The following MLLT6 variants were observed in gnomAD, a reference collection of about 807,000 sequenced individuals.
MLLT6 encodes the protein protein AF-17.
In MLLT6, 22 loss-of-function variants were observed where a neutral mutation model predicts 103.0. That is an observed-to-expected ratio of 0.21 (90% CI 0.15 to 0.31). The LOEUF (loss-of-function observed/expected upper bound fraction) is 0.31. Ranked by LOEUF, MLLT6 falls within the 10% of genes least tolerant of loss-of-function variation. MLLT6 has a pLI of 1.00. For missense variants in MLLT6, 1,199 were observed against 1,441.7 expected (o/e 0.83, Z 2.73); for synonymous variants, 606 against 623.5 (o/e 0.97, Z 0.42).
chr17:38,715,029 A>C (rs562614226), intron 8 of MLLT6, among the ~76,000 whole-genome samples: 30 of 152,326 alleles, frequency 2.0e-4, no homozygotes, highest in African/African-American at 7.0e-4. Flanking sequence ...GCTGGATTTT[A>C]AAGGATGAGA....
rs1248447719 is a variant in MLLT6 at position 38,720,391 on chromosome 17, G to A, written c.2175G>A (p.Ala725=). 1.9e-6 allele frequency: 3 copies of A among 1,610,722 alleles called. No individual in the cohort carries two copies. The highest frequency in any genetic ancestry group is 2.5e-6 in the Non-Finnish European group (3 of 1,179,752). ...CCGCAGTCGTGGAGATGCTGAAGGC[G>A]CTGCACGCGCTGCAGAAGGAGAACC... ...AGVNIVEMLK[A]LHALQKENQR... Residue 725 remains alanine, a synonymous_variant, in exon 15 of 20, where the codon GCG becomes GCA. Coordinates refer to ENST00000621332, the MANE Select transcript of MLLT6 (RefSeq NM_005937.4).
Position 38,728,312 on chromosome 17 carries a change from C to T in MLLT6, c.*2714C>T, listed in dbSNP as rs1021952722. The T allele has an allele frequency of 3.0e-5, 7 of 233,244 alleles. No homozygotes were observed. Among genetic ancestry groups the T allele is most frequent in the Non-Finnish European group, 5.1e-5 (6 of 118,076 alleles). 14.4% of individuals were successfully genotyped at this position (233,244 alleles called of 1,614,324 possible). ...ATGGCTGTAACGATCTCACCGTCTC[C>T]TAACCTCAGTCCCTTTTTTGAGAGT... On this transcript the variant is annotated 3_prime_UTR_variant, in exon 20 of 20. Coordinates refer to ENST00000621332, the MANE Select transcript of MLLT6 (RefSeq NM_005937.4).
Position 38,711,888 on chromosome 17 carries a change from T to C in MLLT6, c.594T>C (p.Ala198=). Residue 198 remains alanine, a synonymous_variant, in exon 7 of 20, where the codon GCT becomes GCC. Coordinates refer to ENST00000621332, the MANE Select transcript of MLLT6 (RefSeq NM_005937.4). ...RHSSGGGGGG[A]GGGGGSMGGG... is the part of the protein sequence containing the mutation. ...GCAGCGGGGGAGGCGGAGGAGGCGC[T>C]GGAGGAGGAGGTGGCAGCATGGGGG... is the stretch of plus-strand genomic sequence containing the variant. The C allele has an allele frequency of 6.2e-7, 1 of 1,600,338 alleles. No individual in the cohort carries two copies. Among genetic ancestry groups the C allele is most frequent in the East Asian group, 2.3e-5 (1 of 44,320 alleles).
Position 38,716,919 on chromosome 17 carries a change from G to A in MLLT6, c.1589G>A (p.Arg530Gln), listed in dbSNP as rs767988678. Residue 530 changes from arginine (R) to glutamine (Q), a missense_variant, in exon 10 of 20, where the codon CGA becomes CAA. Coordinates refer to ENST00000621332, the MANE Select transcript of MLLT6 (RefSeq NM_005937.4). The surrounding 1 kb of genome is among the most constrained non-coding windows in gnomAD (Gnocchi z 5.6). ...VSSGLGGLSS[R>Q]TFGPSGSLPS... ...TCCGGCCTGGGAGGTCTGTCCTCCC[G>A]AACCTTTGGGCCTTCTGGGAGCTTG... is the stretch of plus-strand genomic sequence containing the variant. The A allele has an allele frequency of 2.7e-5, 44 of 1,613,740 alleles. No individual in the cohort carries two copies. Among genetic ancestry groups the A allele is most frequent in the African/African-American group, 5.3e-5 (4 of 75,042 alleles).
intron 2 of MLLT6, 54 bp downstream of exon 2, chr17:38,707,083 GT>G: frequency 1.3e-6 from 2 of 1,492,684 alleles, no homozygotes; most frequent in Non-Finnish European, 1.8e-6. Context: ...ACACCTGAGC[GT>G]CTCAGGTTGA....
intron 7 of MLLT6, among the ~76,000 whole-genome samples, chr17:38,712,424 T>C (rs149325696): frequency 7.4e-4 from 112 of 152,320 alleles, no homozygotes; most frequent in African/African-American, 2.5e-3. Flanking sequence ...GCAGGTGTTA[T>C]GTTCACGCGC....
intron 12 of MLLT6, chr17:38,718,479 A>C (rs1846458026): frequency 6.6e-6 from 1 of 152,414 alleles, no homozygotes; most frequent in African/African-American, 2.4e-5. Flanking sequence ...AAAAAAAAAA[A>C]AATCCACACA....
Position 38,707,787 on chromosome 17 carries a change from TCTACATCCCC to T in MLLT6, c.270_279del (p.Tyr91ArgfsTer45). 6.2e-7 allele frequency: 1 copy of T among 1,613,358 alleles called. No individual in the cohort carries two copies. The highest frequency in any genetic ancestry group is 8.5e-7 in the Non-Finnish European group (1 of 1,179,440). ...GGCTGGGCACACGTGGTGTGTGCCC[TCTACATCCCC>T]GAGGTGCAATTTGCCAACGTGCTCA... On this transcript the variant is annotated frameshift_variant, in exon 4 of 20. Coordinates refer to ENST00000621332, the MANE Select transcript of MLLT6 (RefSeq NM_005937.4). LOFTEE classifies it high-confidence loss of function.
chr17:38,707,359 C>A, intron 2 of MLLT6, 127 bp from the exon 3 acceptor site: 1 of 803,642 alleles, frequency 1.2e-6, no homozygotes, highest in South Asian at 1.7e-5. Flanking sequence ...ATGGCCAATC[C>A]TGTTTCCACT....
chr17:38,715,980 GC>G (rs1567926640), intron 9 of MLLT6, 152 bp downstream of exon 9: 1 of 727,680 alleles, frequency 1.4e-6, no homozygotes, highest in East Asian at 2.7e-5. Flanking sequence ...CTCCAAACCT[GC>G]CCCCAAACCC....
chr17:38,705,893 C>G, intron 1 of MLLT6, 152 bp downstream of exon 1: 1 of 300,852 alleles, frequency 3.3e-6, no homozygotes, highest in Non-Finnish European at 6.0e-6. Flanking sequence ...CTCCCCCCGC[C>G]CGGTCCTGGA....
chr17:38,720,356 C>T lies in MLLT6; in HGVS notation c.2156-16C>T, dbSNP rs1396623652. 3 of 1,362,646 alleles carry T rather than the reference C, an allele frequency of 2.2e-6. No homozygotes were observed. Among genetic ancestry groups the T allele is most frequent in the Middle Eastern group, 2.7e-4 (1 of 3,702 alleles). 84.4% of individuals were successfully genotyped at this position (1,362,646 alleles called of 1,614,324 possible). ...GCCCCCTCGCCCCTCCCTCAGGTTCCTCGCTCTCTCCGCAGTCGTGGAGAT... is the reference window on the plus strand; with the variant it reads ...GCCCCCTCGCCCCTCCCTCAGGTTCTTCGCTCTCTCCGCAGTCGTGGAGAT... On this transcript the variant is annotated splice_polypyrimidine_tract_variant and intron_variant, in intron 14 of 19. Coordinates refer to ENST00000621332, the MANE Select transcript of MLLT6 (RefSeq NM_005937.4).
chr17:38,708,284 G>A (rs760759841), intron 4 of MLLT6: 124 of 171,108 alleles, frequency 7.2e-4, no homozygotes, highest in Admixed American at 1.4e-3. Flanking sequence ...AAAAGGCAAA[G>A]TAAATGCAAT....
chr17:38,707,389 C>A, intron 2 of MLLT6, 97 bp from the exon 3 acceptor site: 1 of 1,205,280 alleles, frequency 8.3e-7, no homozygotes. Context: ...TCCATCCACC[C>A]TAGAGCTTAG....
chr17:38,706,314 T>A (rs1411003326), intron 1 of MLLT6: 1 of 152,160 alleles, frequency 6.6e-6, no homozygotes, highest in Non-Finnish European at 1.5e-5. Flanking sequence ...GGGAGTTAAC[T>A]CCTTGAGGAA....
At chr17:38,713,460 G>A (rs964995369) in intron 8 of MLLT6, 14 of 204,024 alleles carry the variant, frequency 6.9e-5, no homozygotes, top group African/African-American at 3.2e-4. Flanking sequence ...GGTAGGGTGG[G>A]GGGAGATGGA....
At chr17:38,720,314 C>A in intron 14 of MLLT6, 58 bp from the exon 15 acceptor site, 1 of 325,064 alleles carries the variant, frequency 3.1e-6, no homozygotes, top group Non-Finnish European at 6.0e-6. Context: ...CGCCCCCGGT[C>A]CCCTGGCCCC....
chr17:38,721,854 C>A, intron 16 of MLLT6, 24 bp from the exon 17 acceptor site: 1 of 1,510,426 alleles, frequency 6.6e-7, no homozygotes. Context: ...CCCTCTGACC[C>A]CTCCCTTCCC....
chr17:38,720,300 G>GCCCCCCCCCCCGGGCC, intron 14 of MLLT6, 72 bp from the exon 15 acceptor site: 1 of 726,390 alleles, frequency 1.4e-6, no homozygotes, highest in Non-Finnish European at 2.2e-6. Context: ...TCCCCTCCAG[G>GCCCCCCCCCCCGGGCC]CCCCGCCCCC....
Sources: gnomAD v4.1 joint callset for allele counts (sites outside exome capture counted in the v4.1 genomes callset) on GRCh38, gnomAD v4.1.1 for gene constraint, Gnocchi (gnomAD v3.1) non-coding constraint, MANE v1.5 for transcripts, NCBI Gene and HGNC (gene_info 2026-07-23, HGNC 2026-07-21) for gene names.